The following WWOX variants were observed in gnomAD, a reference collection of about 807,000 sequenced individuals.
WWOX encodes WW domain containing oxidoreductase.
WWOX carries 69 observed loss-of-function variants against 46.2 expected under a neutral mutation model. The observed-to-expected ratio is 1.49, with a 90% confidence interval of 1.23 to 1.82. WWOX has a LOEUF of 1.82. WWOX is among the 40% of genes most tolerant of loss of function. The probability of loss-of-function intolerance (pLI) is 0.00; values close to 1 mark genes in which losing one functional copy is unlikely to be tolerated. For missense variants in WWOX, 919 were observed against 542.6 expected (o/e 1.69, Z -6.89); for synonymous variants, 359 against 202.6 (o/e 1.77, Z -6.56).
chr16:78,689,353 A>G (rs558237835), intron 8 of WWOX, among the ~76,000 whole-genome samples: 1 of 152,286 alleles, frequency 6.6e-6, no homozygotes, highest in African/African-American at 2.4e-5. Flanking sequence ...CCCAGACATC[A>G]TATCTCTTTA....
chr16:78,888,656 C>G (rs1313094040), intron 8 of WWOX, among the ~76,000 whole-genome samples: 1 of 152,132 alleles, frequency 6.6e-6, no homozygotes, highest in Non-Finnish European at 1.5e-5. Flanking sequence ...TATGTTGCCA[C>G]TAGGAGTCTT....
At chr16:78,882,213 A>G (rs540208333) in intron 8 of WWOX, among the ~76,000 whole-genome samples, 51 of 152,324 alleles carry the variant, frequency 3.3e-4, no homozygotes, top group Admixed American at 1.5e-3. Flanking sequence ...CATAAAGCCA[A>G]TACTTTCTAA....
chr16:79,025,713 C>A (rs2047624616), intron 8 of WWOX, among the ~76,000 whole-genome samples: 1 of 151,966 alleles, frequency 6.6e-6, no homozygotes, highest in South Asian at 2.1e-4. Flanking sequence ...ACTAATATAC[C>A]CTTTAATGAT....
intron 8 of WWOX, among the ~76,000 whole-genome samples, chr16:78,666,880 A>C (rs2142189703): frequency 6.6e-6 from 1 of 152,332 alleles, no homozygotes; most frequent in Admixed American, 6.5e-5. Flanking sequence ...GCTCCATACT[A>C]AATTCAGACA....
intron 8 of WWOX, among the ~76,000 whole-genome samples, chr16:78,709,181 G>T (rs933949171): frequency 6.6e-6 from 1 of 152,168 alleles, no homozygotes; most frequent in Admixed American, 6.5e-5. Flanking sequence ...GGAGAGAGGG[G>T]TTCTGTGTGT....
intron 8 of WWOX, among the ~76,000 whole-genome samples, chr16:78,910,086 T>A (rs72806732): frequency 2.0e-5 from 3 of 152,232 alleles, no homozygotes; most frequent in Admixed American, 2.0e-4. Context: ...TCATTTTTCA[T>A]GTGTAGATGT....
chr16:78,700,560 G>A (rs1296985356), intron 8 of WWOX, among the ~76,000 whole-genome samples: 1 of 152,210 alleles, frequency 6.6e-6, no homozygotes, highest in Admixed American at 6.5e-5. Flanking sequence ...TGTCAGTGCA[G>A]CCTTCACAGG....
intron 8 of WWOX, among the ~76,000 whole-genome samples, chr16:78,505,112 T>C (rs2085161861): frequency 6.6e-6 from 1 of 152,160 alleles, no homozygotes; most frequent in Non-Finnish European, 1.5e-5. Flanking sequence ...GTTTAGAGCG[T>C]TCACACCAGG....
chr16:78,829,438 A>C (rs961882497), intron 8 of WWOX, among the ~76,000 whole-genome samples: 1 of 152,218 alleles, frequency 6.6e-6, no homozygotes, highest in Admixed American at 6.5e-5. Flanking sequence ...AGTTTTACTC[A>C]GTCTACTGAT....
intron 8 of WWOX, among the ~76,000 whole-genome samples, chr16:78,679,218 C>G (rs922335809): frequency 1.3e-5 from 2 of 152,066 alleles, no homozygotes; most frequent in African/African-American, 4.8e-5. Context: ...ATCCTAGAAC[C>G]CGTTTCTTAC....
chr16:78,529,091 CT>C (rs948032022), intron 8 of WWOX, among the ~76,000 whole-genome samples: 14 of 150,678 alleles, frequency 9.3e-5, no homozygotes, highest in African/African-American at 3.4e-4. Context: ...GTCACTGGGA[CT>C]ACAGGTGCAC....
chr16:78,635,218 A>G (rs1026605439), intron 8 of WWOX, among the ~76,000 whole-genome samples: 2 of 152,182 alleles, frequency 1.3e-5, no homozygotes, highest in East Asian at 3.9e-4. Flanking sequence ...GCTCTGGGCT[A>G]TTAGAATTAG....
At chr16:79,079,214 G>A (rs188744140) in intron 8 of WWOX, among the ~76,000 whole-genome samples, 22 of 152,216 alleles carry the variant, frequency 1.4e-4, no homozygotes, top group Middle Eastern at 3.4e-3. Flanking sequence ...TAGCATCCGC[G>A]GTCTTAGCAA....
chr16:78,789,164 G>T (rs144069444), intron 8 of WWOX, among the ~76,000 whole-genome samples: 114 of 152,234 alleles, frequency 7.5e-4, no homozygotes, highest in Non-Finnish European at 1.2e-3. Context: ...TTGGTGAGAG[G>T]AGTCTTCTGT....
intron 8 of WWOX, among the ~76,000 whole-genome samples, chr16:78,709,174 G>T (rs945657786): frequency 3.9e-5 from 6 of 152,214 alleles, no homozygotes; most frequent in Admixed American, 1.3e-4. Context: ...AAGAACTGGA[G>T]AGAGGGGTTC....
intron 8 of WWOX, among the ~76,000 whole-genome samples, chr16:79,144,959 G>A (rs1374113968): frequency 6.6e-6 from 1 of 152,124 alleles, no homozygotes; most frequent in Admixed American, 6.5e-5. Flanking sequence ...TGTAGGGTTT[G>A]GAACCATCTG....
intron 8 of WWOX, among the ~76,000 whole-genome samples, chr16:78,823,687 G>T (rs1173789518): frequency 6.6e-6 from 1 of 152,128 alleles, no homozygotes; most frequent in Admixed American, 6.5e-5. Flanking sequence ...GTGCATTTAA[G>T]GCCCGCCGAG....
intron 8 of WWOX, among the ~76,000 whole-genome samples, chr16:78,732,511 A>C (rs2048992839): frequency 6.6e-6 from 1 of 152,136 alleles, no homozygotes; most frequent in Admixed American, 6.5e-5. Context: ...CCATATTCAA[A>C]TTGCTGACCC....
At chr16:78,180,223 A>G (rs750972854) in intron 5 of WWOX, among the ~76,000 whole-genome samples, 11 of 152,188 alleles carry the variant, frequency 7.2e-5, no homozygotes, top group Non-Finnish European at 1.6e-4. Flanking sequence ...TTGCCTGGTC[A>G]TTCTGGAGCA....
Sources: allele counts gnomAD v4.1 joint callset (sites outside exome capture counted in the v4.1 genomes callset), GRCh38; gene constraint gnomAD v4.1.1; transcripts MANE v1.5; gene names NCBI Gene and HGNC (gene_info 2026-07-23, HGNC 2026-07-21).